Variants in SRGAP3 observed in about 807,000 individuals in gnomAD.
The protein encoded by SRGAP3 is SLIT-ROBO Rho GTPase activating protein 3.
Under a neutral mutation model 121.1 loss-of-function variants are expected in SRGAP3, and 39 were observed. The ratio of observed to expected loss-of-function variants is 0.32; its 90% CI spans 0.25 to 0.42. The LOEUF (loss-of-function observed/expected upper bound fraction) is 0.42, where lower values mean the gene tolerates loss of function less well. SRGAP3 is among the 10% of genes least tolerant of loss of function. The probability of loss-of-function intolerance (pLI) is 1.00; values close to 1 mark genes in which losing one functional copy is unlikely to be tolerated. For missense variants in SRGAP3, 1,213 were observed against 1,470.6 expected (o/e 0.82, Z 2.86); for synonymous variants, 601 against 570.0 (o/e 1.05, Z -0.77).
intron 21 of SRGAP3, among the ~76,000 whole-genome samples, chr3:8,990,026 T>C (rs554928825): frequency 3.9e-5 from 6 of 152,356 alleles, no homozygotes; most frequent in Non-Finnish European, 7.3e-5. Flanking sequence ...TTGATGTCTC[T>C]TTCTTCTCTA....
chr3:8,983,006 T>G lies in SRGAP3; in HGVS notation c.*2513A>C. The stretch of plus-strand genomic sequence containing the variant: ...ATGTATATCAGGCAACAGATTTTTC[T>G]ACTCTGATTGTTGCTTTTCATCTGG... On this transcript the variant is annotated 3_prime_UTR_variant, in exon 22 of 22. Transcript: ENST00000383836. 1 of 228,976 alleles carries G rather than the reference T, an allele frequency of 4.4e-6. No individual in the cohort carries two copies. The highest frequency in any genetic ancestry group is 6.2e-5 in the East Asian group (1 of 16,066). 14.2% of individuals were successfully genotyped at this position (228,976 alleles called of 1,614,324 possible).
At chr3:9,011,347 A>G (rs1943364939) in intron 17 of SRGAP3, among the ~76,000 whole-genome samples, 1 of 152,214 alleles carries the variant, frequency 6.6e-6, no homozygotes, top group Non-Finnish European at 1.5e-5. Context: ...AGGAATATGC[A>G]TTTTATTACG....
intron 3 of SRGAP3, among the ~76,000 whole-genome samples, chr3:9,310,030 A>G (rs890583588): frequency 6.6e-6 from 1 of 152,140 alleles, no homozygotes; most frequent in African/African-American, 2.4e-5. Context: ...CACCTAACAA[A>G]CTGGTGGAAT....
intron 1 of SRGAP3, among the ~76,000 whole-genome samples, chr3:9,152,703 G>T (rs1950255220): frequency 6.6e-6 from 1 of 152,218 alleles, no homozygotes; most frequent in Non-Finnish European, 1.5e-5. Context: ...GGACATTGTG[G>T]TGGTCTCTGT....
At position 9,124,713 on chromosome 3, in the gene SRGAP3, C is replaced by G. The variant is rs750576246; in HGVS notation, c.260+12G>C. 5 of 1,613,854 alleles carry G rather than the reference C, an allele frequency of 3.1e-6. No homozygotes were observed. The South Asian group carries it at 5.5e-5, about 18-fold the overall frequency. On this transcript the variant is annotated intron_variant, in intron 2 of 21. Transcript: ENST00000383836. Reference sequence around the variant, plus strand: ...GCCTCCCATCTCTGTGCACCCATACCCAACTTCTTACTTGAACTGGTGCTC... The same window carrying G: ...GCCTCCCATCTCTGTGCACCCATACGCAACTTCTTACTTGAACTGGTGCTC...
chr3:9,344,805 G>A (rs572289815), intron 1 of SRGAP3, among the ~76,000 whole-genome samples: 1 of 152,292 alleles, frequency 6.6e-6, no homozygotes, highest in South Asian at 2.1e-4. Context: ...GGGAGGCCTA[G>A]GCGGGTGGAT....
chr3:9,187,251 A>G (rs1951625524), intron 1 of SRGAP3, among the ~76,000 whole-genome samples: 1 of 152,130 alleles, frequency 6.6e-6, no homozygotes, highest in African/African-American at 2.4e-5. Context: ...TCCCTCAGCA[A>G]AAAGTTTTAA....
intron 20 of SRGAP3, among the ~76,000 whole-genome samples, chr3:8,991,794 T>C (rs1463052968): frequency 6.6e-6 from 1 of 152,088 alleles, no homozygotes; most frequent in Non-Finnish European, 1.5e-5. Flanking sequence ...CCACCAGTGA[T>C]TCAGATCCTA....
chr3:9,127,831 T>C (rs1265282348), intron 1 of SRGAP3, among the ~76,000 whole-genome samples: 3 of 151,974 alleles, frequency 2.0e-5, no homozygotes, highest in African/African-American at 7.3e-5. Flanking sequence ...GGTGGGAGGA[T>C]TGCTTTAGCC....
rs543900695 is a variant in SRGAP3, at chr3:9,082,233, G to C, written c.424-2146C>G. Among the ~76,000 whole-genome samples the C allele has an allele frequency of 1.8e-4, 27 of 152,324 alleles. No individual in the cohort carries two copies. In the East Asian group the frequency reaches 5.2e-3, roughly 29 times the overall value. ...GCTTCCTGAGATCTCACCAGGAGCAGATGCCTGTGCTATGCTTCCTGTACA... is the reference window on the plus strand; with the variant it reads ...GCTTCCTGAGATCTCACCAGGAGCACATGCCTGTGCTATGCTTCCTGTACA... On this transcript the variant is annotated intron_variant, in intron 3 of 21. Coordinates refer to ENST00000383836, the MANE Select transcript of SRGAP3 (RefSeq NM_014850.4).
intron 1 of SRGAP3, among the ~76,000 whole-genome samples, chr3:9,175,307 C>T (rs1403399308): frequency 2.0e-5 from 3 of 152,202 alleles, no homozygotes; most frequent in African/African-American, 7.2e-5. Context: ...GTTTCTTCTG[C>T]ACTGCTCTGT....
Position 8,983,168 on chromosome 3 carries a change from G to A in SRGAP3, c.*2351C>T, listed in dbSNP as rs1941508718. 4.8e-5 allele frequency: 11 copies of A among 227,098 alleles called. No homozygotes were observed. In the East Asian group the frequency reaches 7.0e-4, roughly 14 times the overall value. The allele number at this position is 227,098 out of a possible 1,614,324, so 14.1% of individuals were successfully genotyped here. A position where few individuals can be genotyped will look rare whatever the true frequency, so the allele number is the denominator to read the frequency against. On this transcript the variant is annotated 3_prime_UTR_variant, in exon 22 of 22. Transcript: ENST00000383836. The stretch of plus-strand genomic sequence containing the variant: ...CCAGCATGCAAACACATGACTTTAA[G>A]AGCCTGACGCAGCCTCTGCTCCTAG...
intron 3 of SRGAP3, chr3:9,081,257 A>G (rs1947230640): frequency 2.2e-6 from 1 of 456,500 alleles, no homozygotes. Flanking sequence ...TCATCTTACC[A>G]TTGCCTAGAT....
chr3:9,064,265 T>TC (rs1288346862), intron 5 of SRGAP3, 131 bp downstream of exon 5: 11 of 1,239,314 alleles, frequency 8.9e-6, no homozygotes, highest in Non-Finnish European at 1.2e-5. Flanking sequence ...CATTGTCCCA[T>TC]CCCCCCTACC....
chr3:9,199,015 G>A (rs540940523), intron 1 of SRGAP3, among the ~76,000 whole-genome samples: 1 of 152,214 alleles, frequency 6.6e-6, no homozygotes, highest in South Asian at 2.1e-4. Context: ...ACAGAATCCT[G>A]ACCTGAATGT....
intron 18 of SRGAP3, among the ~76,000 whole-genome samples, chr3:8,999,406 T>C (rs1942612194): frequency 6.6e-6 from 1 of 152,166 alleles, no homozygotes; most frequent in South Asian, 2.1e-4. Flanking sequence ...GGTTGGACAT[T>C]TATGCTTCTC....
chr3:9,161,349 T>C (rs1405526128), intron 1 of SRGAP3, among the ~76,000 whole-genome samples: 1 of 152,218 alleles, frequency 6.6e-6, no homozygotes, highest in African/African-American at 2.4e-5. Context: ...CATCGCTTTA[T>C]CCCCAACAGT....
intron 1 of SRGAP3, among the ~76,000 whole-genome samples, chr3:9,204,591 C>T (rs1952195541): frequency 6.6e-6 from 1 of 152,144 alleles, no homozygotes; most frequent in African/African-American, 2.4e-5. Flanking sequence ...TTCTTTTCTC[C>T]TCTGCCCCAG....
At chr3:9,120,577 C>T (rs1383131201) in intron 2 of SRGAP3, among the ~76,000 whole-genome samples, 1 of 152,186 alleles carries the variant, frequency 6.6e-6, no homozygotes, top group Non-Finnish European at 1.5e-5. Flanking sequence ...AAGTCAAGAA[C>T]CCTGGGTTTT....
Sources: allele counts gnomAD v4.1 joint callset (sites outside exome capture counted in the v4.1 genomes callset), GRCh38; gene constraint gnomAD v4.1.1; transcripts MANE v1.5; gene names NCBI Gene and HGNC (gene_info 2026-07-23, HGNC 2026-07-21).